CDK11B: variants seen among roughly 807,000 people sequenced by gnomAD.
The protein encoded by CDK11B is cyclin-dependent kinase 11B.
In CDK11B, 37 loss-of-function variants were observed where a neutral mutation model predicts 84.0. The observed-to-expected ratio is 0.44, with a 90% CI of 0.34 to 0.58. The LOEUF is 0.58. CDK11B is among the 20% of genes least tolerant of loss of function. The pLI, the probability that CDK11B is intolerant of heterozygous loss-of-function variation, is 0.02. For missense variants in CDK11B, 427 were observed against 834.0 expected, an observed-to-expected ratio of 0.51 and a Z score of 6.01; for synonymous variants, 269 against 309.8, an observed-to-expected ratio of 0.87 and a Z score of 1.38.
Position 1,636,492 on chromosome 1 carries a change from G to C in CDK11B, c.1918-11C>G, listed in dbSNP as rs1435652935. 8 of 1,608,664 alleles carry C rather than the reference G, an allele frequency of 5.0e-6. No homozygotes were observed. In the Admixed American group the frequency reaches 6.8e-5, roughly 14 times the overall value. On this transcript the variant is annotated splice_polypyrimidine_tract_variant and intron_variant, in intron 17 of 19. Transcript: ENST00000341832. ...AGGGGTCCCCAGATCCTGAAAGACA[G>C]AGGTGCTTCAACAGCCACACCAAGT...
rs1257809369 is a variant in CDK11B, at chr1:1,635,674, G to C, written c.*90C>G. ...AAACATGGAGCACAAAGTAAGACGA[G>C]GAGTTCCGAGTCTCATCGCAGCTCC... On this transcript the variant is annotated 3_prime_UTR_variant, in exon 20 of 20. Coordinates refer to ENST00000341832, the MANE Select transcript of CDK11B (RefSeq NM_033486.3). The C allele has an allele frequency of 7.2e-6, 2 of 278,762 alleles. No individual in the cohort carries two copies. The highest frequency in any genetic ancestry group is 1.0e-4 in the East Asian group (1 of 9,970). 17.3% of individuals were successfully genotyped at this position (278,762 alleles called of 1,614,324 possible).
chr1:1,657,823 T>G (rs1642956065), intron 1 of CDK11B, among the ~76,000 whole-genome samples: 1 of 119,392 alleles, frequency 8.4e-6, no homozygotes, highest in African/African-American at 3.6e-5. Context: ...GAGGATCACT[T>G]GAATCAGAGA....
In CDK11B at chr1:1,650,268, CA is replaced by C. The variant is rs1212256890; in HGVS notation, c.356-632del. On this transcript the variant is annotated intron_variant, in intron 4 of 19. Transcript: ENST00000341832. Reference sequence around the variant, plus strand: ...CTGGGTGACAAGCAAGACTCCGTCCCAAAAAAAAAAAAAAAAGAAATTAAAT... The same window carrying C: ...CTGGGTGACAAGCAAGACTCCGTCCCAAAAAAAAAAAAAAAGAAATTAAAT... Among the ~76,000 whole-genome samples the C allele has an allele frequency of 6.3e-3, 290 of 45,782 alleles. 8 individuals carry two copies. The highest frequency in any genetic ancestry group is 7.6e-3 in the Non-Finnish European group (177 of 23,438). 30.0% of individuals were successfully genotyped at this position (45,782 alleles called of 152,430 possible).
At chr1:1,649,439 A>G (rs1203329984) in intron 5 of CDK11B, 60 bp downstream of exon 5, 18 of 1,258,128 alleles carry the variant, frequency 1.4e-5, no homozygotes, top group Middle Eastern at 1.9e-4. Flanking sequence ...CTTCATTTCT[A>G]GGATGGGACA....
At chr1:1,644,826 T>C (rs1011271823) in intron 6 of CDK11B, among the ~76,000 whole-genome samples, 1 of 151,308 alleles carries the variant, frequency 6.6e-6, no homozygotes, top group Non-Finnish European at 1.5e-5. Flanking sequence ...ACCCTGTCTC[T>C]ACTAAAAATA....
intron 14 of CDK11B, 40 bp from the exon 15 acceptor site, chr1:1,637,242 C>T: frequency 1.9e-6 from 3 of 1,608,166 alleles, no homozygotes; most frequent in South Asian, 2.2e-5. Flanking sequence ...CTGGCTGCCC[C>T]CAGCCCAGGG....
rs1255765989 is a variant in CDK11B at position 1,636,784 on chromosome 1, G to A, written c.1815C>T (p.Ala605=). The change falls in exon 17 of 20, where the codon GCC becomes GCT. Residue 605 remains alanine, a synonymous_variant. Transcript: ENST00000341832. ...TGCAACCCACTGACCACATGTCCAC[G>A]GCCGTGGAGTATTCCTAAGAGGTCA... ...LLLGAKEYST[A]VDMWSVGCIF... 5 of 1,613,764 alleles carry A rather than the reference G, an allele frequency of 3.1e-6. No individual in the cohort carries two copies. The highest frequency in any genetic ancestry group is 1.7e-5 in the Admixed American group (1 of 59,990).
At chr1:1,648,741 G>A (rs931733123) in intron 5 of CDK11B, among the ~76,000 whole-genome samples, 3 of 152,266 alleles carry the variant, frequency 2.0e-5, no homozygotes, top group South Asian at 2.1e-4. Context: ...CCAGGGTCCC[G>A]AATTCCAGAC....
chr1:1,647,754 T>C (rs1641361681), intron 5 of CDK11B, among the ~76,000 whole-genome samples: 1 of 152,226 alleles, frequency 6.6e-6, no homozygotes, highest in Admixed American at 6.5e-5. Flanking sequence ...AACCACACTG[T>C]ACTTCATTCT....
intron 9 of CDK11B, 129 bp from the exon 10 acceptor site, chr1:1,641,242 C>T: frequency 6.8e-7 from 1 of 1,475,080 alleles, no homozygotes. Context: ...GGCGCGGTGG[C>T]TCACGCCTGT....
intron 5 of CDK11B, among the ~76,000 whole-genome samples, chr1:1,648,441 C>T (rs554180703): frequency 2.0e-5 from 3 of 152,192 alleles, no homozygotes; most frequent in East Asian, 3.9e-4. Flanking sequence ...CCACACCCTT[C>T]GGCATCAACA....
At chr1:1,656,655 T>G (rs1441601003) in intron 2 of CDK11B, among the ~76,000 whole-genome samples, 6 of 152,156 alleles carry the variant, frequency 3.9e-5, no homozygotes, top group Non-Finnish European at 7.4e-5. Context: ...CTTGGCATGT[T>G]GGTGGGCCCC....
rs769600864 is a variant in CDK11B, at chr1:1,636,983, G to C, written c.1714C>G (p.Arg572Gly). The change falls in exon 16 of 20, where the codon CGG (arginine) becomes GGG (glycine). Residue 572 changes from arginine (R) to glycine (G), a missense_variant. By Grantham distance (125) the Arg-to-Gly change is moderately radical (BLOSUM62 -2). Transcript: ENST00000341832. ...GCCTTCAGAGGGGATCCGTACTCCC[G>C]CGCCAGCCCGAAGTCACCCACCTGC... is the stretch of plus-strand genomic sequence containing the variant. ...ILKVGDFGLA[R>G]EYGSPLKAYT... The C allele has an allele frequency of 2.5e-6, 4 of 1,611,644 alleles. No individual in the cohort carries two copies. The highest frequency in any genetic ancestry group is 1.7e-5 in the Admixed American group (1 of 59,922).
Position 1,636,871 on chromosome 1 carries a change from G to A in CDK11B, c.1800+26C>T, listed in dbSNP as rs752184210. 9 of 1,610,838 alleles carry A rather than the reference G, an allele frequency of 5.6e-6. No individual in the cohort carries two copies. In the African/African-American group the frequency reaches 1.1e-4, roughly 19 times the overall value. Reference sequence around the variant, plus strand: ...GTGGGAGGCTGCGTGGGGGACAGGGGAGGCACTCAGACGCCCAGGACTCAC... The same window carrying A: ...GTGGGAGGCTGCGTGGGGGACAGGGAAGGCACTCAGACGCCCAGGACTCAC... On this transcript the variant is annotated intron_variant, in intron 16 of 19. Coordinates refer to ENST00000341832, the MANE Select transcript of CDK11B (RefSeq NM_033486.3).
At chr1:1,653,184 C>A (rs1310782462) in intron 3 of CDK11B, among the ~76,000 whole-genome samples, 4 of 151,728 alleles carry the variant, frequency 2.6e-5, no homozygotes, top group Non-Finnish European at 4.4e-5. Context: ...GCCACCACAC[C>A]CGGCTAATTT....
In CDK11B at chr1:1,653,082, C is replaced by T. The variant is rs1553163173; in HGVS notation, c.228-516G>A. ...TTGCCCAGGCTGGAATGCAGTGGTA[C>T]GATCTCGGCTCATTGCAACCTCCCC... On this transcript the variant is annotated intron_variant, in intron 3 of 19. Transcript: ENST00000341832. 2.8e-3 allele frequency among the ~76,000 whole-genome samples: 429 copies of T among 151,966 alleles called. 2 individuals are homozygous for T. Among genetic ancestry groups the T allele is most frequent in the African/African-American group, 9.9e-3 (410 of 41,424 alleles).
rs770687047 is a variant in CDK11B, at chr1:1,636,918, T to G, written c.1779A>C (p.Pro593=). 1 of 1,606,296 alleles carries G rather than the reference T, an allele frequency of 6.2e-7. No homozygotes were observed. The highest frequency in any genetic ancestry group is 1.1e-5 in the South Asian group (1 of 90,400). The change falls in exon 16 of 20, where the codon CCA becomes CCC. Residue 593 remains proline, a synonymous_variant. Transcript: ENST00000341832. ...PVVVTLWYRA[P]ELLLGAKEYS... ...TCACCTTGGCACCAAGCAGCAGCTCTGGGGCGCGGTACCACAGGGTCACCA... is the reference window on the plus strand; with the variant it reads ...TCACCTTGGCACCAAGCAGCAGCTCGGGGGCGCGGTACCACAGGGTCACCA...
At chr1:1,654,749 C>T (rs1314202215) in intron 3 of CDK11B, among the ~76,000 whole-genome samples, 1 of 151,852 alleles carries the variant, frequency 6.6e-6, no homozygotes, top group Non-Finnish European at 1.5e-5. Flanking sequence ...AGCTCCACCT[C>T]CTGGGTTCAC....
intron 2 of CDK11B, among the ~76,000 whole-genome samples, chr1:1,656,539 C>T (rs759734003): frequency 6.6e-6 from 1 of 152,112 alleles, no homozygotes; most frequent in African/African-American, 2.4e-5. Context: ...GTTGTAATCC[C>T]AGCACTTTGG....
Sources: gnomAD v4.1 joint callset for allele counts (sites outside exome capture counted in the v4.1 genomes callset) on GRCh38, gnomAD v4.1.1 for gene constraint, MANE v1.5 for transcripts, NCBI Gene and HGNC (gene_info 2026-07-23, HGNC 2026-07-21) for gene names.